The following MATCAP2 variants were observed in gnomAD, a reference collection of about 807,000 sequenced individuals.
MATCAP2 encodes microtubule associated tyrosine carboxypeptidase 2.
the MATCAP2 span, among the ~76,000 whole-genome samples, chr7:36,385,953 G>A: frequency 1.3e-5 from 2 of 152,010 alleles, no homozygotes; most frequent in African/African-American, 4.8e-5. Context: ...CCAGGAATTC[G>A]AGACTAGCCT....
chr7:36,366,848 G>C, the MATCAP2 span: 3 of 1,506,936 alleles, frequency 2.0e-6, no homozygotes, highest in Admixed American at 2.2e-5. Flanking sequence ...ACCATTACCT[G>C]AGCCCCGGGC....
chr7:36,389,975 T>C, the MATCAP2 span: 10 of 1,614,060 alleles, frequency 6.2e-6, no homozygotes, highest in African/African-American at 1.3e-5. Context: ...ACTTTTCTCT[T>C]CCTGAATTTG....
chr7:36,376,925 TA>T, the MATCAP2 span, among the ~76,000 whole-genome samples: 2 of 152,184 alleles, frequency 1.3e-5, no homozygotes, highest in African/African-American at 4.8e-5. Context: ...CCTGCTTTTT[TA>T]TTTTTTTTAT....
the MATCAP2 span, chr7:36,334,027 T>G: frequency 1.9e-6 from 3 of 1,614,168 alleles, no homozygotes; most frequent in Non-Finnish European, 2.5e-6. Flanking sequence ...AAAGGGTCTT[T>G]TCTAAACAGA....
At chr7:36,333,530 T>TA in the MATCAP2 span, among the ~76,000 whole-genome samples, 3,239 of 152,092 alleles carry the variant, frequency 0.021, 52 homozygotes, top group Middle Eastern at 0.058. Context: ...TATATCTCAG[T>TA]ATAGCTGTTT....
chr7:36,383,977 TATAA>T, the MATCAP2 span: 22 of 904,628 alleles, frequency 2.4e-5, no homozygotes, highest in African/African-American at 1.6e-4. Flanking sequence ...GTGAATTAAG[TATAA>T]ATAGTCTAAA....
At chr7:36,351,337 A>T in the MATCAP2 span, among the ~76,000 whole-genome samples, 1 of 152,164 alleles carries the variant, frequency 6.6e-6, no homozygotes, top group Non-Finnish European at 1.5e-5. Flanking sequence ...TGGAGATTGC[A>T]GTGAGCCGAG....
the MATCAP2 span, among the ~76,000 whole-genome samples, chr7:36,361,155 G>T: frequency 6.6e-6 from 1 of 152,148 alleles, no homozygotes; most frequent in Non-Finnish European, 1.5e-5. Flanking sequence ...TATATATCTA[G>T]AACAGGAGAA....
At chr7:36,332,543 C>T in the MATCAP2 span, among the ~76,000 whole-genome samples, 3 of 152,188 alleles carry the variant, frequency 2.0e-5, no homozygotes, top group Non-Finnish European at 4.4e-5. Context: ...ACGATTACAA[C>T]ACTAGTATGA....
At chr7:36,328,120 G>C in the MATCAP2 span, among the ~76,000 whole-genome samples, 2 of 151,520 alleles carry the variant, frequency 1.3e-5, no homozygotes, top group Non-Finnish European at 2.9e-5. Context: ...CCTAGCAGGA[G>C]TGCAGTGATG....
the MATCAP2 span, among the ~76,000 whole-genome samples, chr7:36,330,042 CTTTTT>C: frequency 1.1e-4 from 12 of 109,682 alleles, no homozygotes; most frequent in East Asian, 3.0e-3. Context: ...CTGTGCCGAT[CTTTTT>C]TTTTTTATTT....
chr7:36,383,977 T>G, the MATCAP2 span: 4 of 904,628 alleles, frequency 4.4e-6, no homozygotes, highest in Non-Finnish European at 6.3e-6. Context: ...GTGAATTAAG[T>G]ATAAATAGTC....
the MATCAP2 span, among the ~76,000 whole-genome samples, chr7:36,367,615 AG>A: frequency 1.4e-4 from 22 of 152,356 alleles, no homozygotes; most frequent in Admixed American, 1.4e-3. Context: ...AAAGTGCAGG[AG>A]GCTCAATGAC....
the MATCAP2 span, chr7:36,390,033 C>G: frequency 6.2e-7 from 1 of 1,614,034 alleles, no homozygotes; most frequent in South Asian, 1.1e-5. Flanking sequence ...GGCGATGGAT[C>G]CGTTTACGGA....
chr7:36,364,248 C>T, the MATCAP2 span, among the ~76,000 whole-genome samples: 1 of 151,980 alleles, frequency 6.6e-6, no homozygotes, highest in Non-Finnish European at 1.5e-5. Context: ...CCATCATGCC[C>T]GGCTAATTTT....
chr7:36,359,161 C>A, the MATCAP2 span, among the ~76,000 whole-genome samples: 1 of 152,274 alleles, frequency 6.6e-6, no homozygotes, highest in South Asian at 2.1e-4. Context: ...ACAGGAAAGA[C>A]CCTAAACCAG....
the MATCAP2 span, among the ~76,000 whole-genome samples, chr7:36,339,051 C>T: frequency 6.6e-6 from 1 of 152,210 alleles, no homozygotes; most frequent in South Asian, 2.1e-4. Flanking sequence ...GTAACCCAAC[C>T]ACCGTGGACA....
At chr7:36,369,771 G>T in the MATCAP2 span, among the ~76,000 whole-genome samples, 2 of 151,980 alleles carry the variant, frequency 1.3e-5, no homozygotes, top group Non-Finnish European at 2.9e-5. Context: ...ACATATATGT[G>T]TGTATATATA....
At chr7:36,352,660 C>T in the MATCAP2 span, among the ~76,000 whole-genome samples, 27 of 151,566 alleles carry the variant, frequency 1.8e-4, no homozygotes, top group Non-Finnish European at 2.7e-4. Context: ...GGTGAAATGT[C>T]GTCTTTACTA....
Sources: allele counts gnomAD v4.1 joint callset (sites outside exome capture counted in the v4.1 genomes callset), GRCh38; gene constraint gnomAD v4.1.1; transcripts MANE v1.5; gene names NCBI Gene and HGNC (gene_info 2026-07-23, HGNC 2026-07-21).